NTM: variants seen among roughly 807,000 people sequenced by gnomAD.
NTM encodes IgLON family member 2.
Under a neutral mutation model 42.1 loss-of-function variants are expected in NTM, and 13 were observed. The ratio of observed to expected loss-of-function variants is 0.31; its 90% CI spans 0.20 to 0.49. NTM has a LOEUF of 0.49. NTM is among the 20% of genes least tolerant of loss of function. NTM has a pLI of 0.99. For synonymous variants in NTM, 187 were observed against 179.2 expected (o/e 1.04, Z -0.35); for missense variants, 373 against 452.8 (o/e 0.82, Z 1.60).
intron 3 of NTM, among the ~76,000 whole-genome samples, chr11:132,170,289 A>G (rs2137822814): frequency 6.6e-6 from 1 of 152,318 alleles, no homozygotes; most frequent in Admixed American, 6.5e-5. Context: ...CAGATCATAG[A>G]TCTTCCTCCA....
At chr11:131,441,980 A>G (rs1949659196) in intron 1 of NTM, among the ~76,000 whole-genome samples, 1 of 152,222 alleles carries the variant, frequency 6.6e-6, no homozygotes, top group South Asian at 2.1e-4. Context: ...AGATTGAATC[A>G]TTATTTAGGT....
At chr11:132,051,631 C>T (rs2078868073) in intron 2 of NTM, among the ~76,000 whole-genome samples, 1 of 152,174 alleles carries the variant, frequency 6.6e-6, no homozygotes. Context: ...GGCTGACAAG[C>T]TGCTGGCAGG....
chr11:131,860,078 A>G (rs1444417963), intron 1 of NTM, among the ~76,000 whole-genome samples: 1 of 152,164 alleles, frequency 6.6e-6, no homozygotes, highest in African/African-American at 2.4e-5. Context: ...ATGCGTCTAT[A>G]TCGGGCCTCA....
chr11:131,545,267 C>A (rs1404269416), intron 1 of NTM, among the ~76,000 whole-genome samples: 3 of 151,954 alleles, frequency 2.0e-5, no homozygotes, highest in South Asian at 2.1e-4. Flanking sequence ...ATGCATGATA[C>A]CTTTTCCCTC....
chr11:132,243,131 T>G (rs1472581649), intron 4 of NTM, among the ~76,000 whole-genome samples: 3 of 152,184 alleles, frequency 2.0e-5, no homozygotes, highest in Non-Finnish European at 4.4e-5. Flanking sequence ...ATCACTTCCC[T>G]TCTCAATGTT....
At chr11:132,272,878 ATACAACATAGAG>A (rs1468594603) in intron 4 of NTM, among the ~76,000 whole-genome samples, 16 of 152,244 alleles carry the variant, frequency 1.1e-4, no homozygotes, top group Non-Finnish European at 1.5e-5. Flanking sequence ...GTAGTCCTGG[ATACAACATAGAG>A]TACAATGTTG....
At chr11:132,134,833 G>T (rs1422453778) in intron 2 of NTM, among the ~76,000 whole-genome samples, 3 of 147,488 alleles carry the variant, frequency 2.0e-5, no homozygotes, top group Non-Finnish European at 4.5e-5. Context: ...ATTACAGATT[G>T]TGCTGCTATA....
chr11:132,238,833 A>C lies in NTM; in HGVS notation c.526+26686A>C, dbSNP rs189456197. ...ATTCAGCAGGTCTGGGGTAGGGCTGAAAAGTCTTCATCTCTAAGTGGCTCC... is the reference window on the plus strand; with the variant it reads ...ATTCAGCAGGTCTGGGGTAGGGCTGCAAAGTCTTCATCTCTAAGTGGCTCC... On this transcript the variant is annotated intron_variant, in intron 4 of 8. Coordinates refer to ENST00000683400, the MANE Select transcript of NTM (RefSeq NM_001352005.2). Among the ~76,000 whole-genome samples, 19 of 152,324 alleles carry C rather than the reference A, an allele frequency of 1.2e-4. No homozygotes were observed. The East Asian group carries it at 3.7e-3, about 29-fold the overall frequency.
intron 1 of NTM, among the ~76,000 whole-genome samples, chr11:131,519,204 T>TCCTTTCCACTGCCCTCTTCTC (rs2136538794): frequency 6.6e-6 from 1 of 152,316 alleles, no homozygotes; most frequent in East Asian, 1.9e-4. Flanking sequence ...TCTCTCTTAT[T>TCCTTTCCACTGCCCTCTTCTC]CCCTTCCACT....
At chr11:132,007,080 A>G (rs1260148836) in intron 2 of NTM, among the ~76,000 whole-genome samples, 1 of 152,196 alleles carries the variant, frequency 6.6e-6, no homozygotes, top group African/African-American at 2.4e-5. Flanking sequence ...TTCCTGAGTG[A>G]ATGGATGAAA....
intron 1 of NTM, among the ~76,000 whole-genome samples, chr11:131,545,206 C>T (rs568153509): frequency 2.0e-5 from 3 of 152,204 alleles, no homozygotes; most frequent in East Asian, 1.9e-4. Context: ...TAAAGTGATC[C>T]AAGCAGATAC....
chr11:132,126,219 A>G (rs1334645257), intron 2 of NTM, among the ~76,000 whole-genome samples: 1 of 152,126 alleles, frequency 6.6e-6, no homozygotes, highest in East Asian at 1.9e-4. Flanking sequence ...GTCACACAAG[A>G]ACGCTGTGAA....
intron 1 of NTM, among the ~76,000 whole-genome samples, chr11:131,446,981 G>A (rs1353886854): frequency 6.6e-6 from 1 of 152,186 alleles, no homozygotes; most frequent in Non-Finnish European, 1.5e-5. Flanking sequence ...ATGTCAGAAA[G>A]GAAAGATAGA....
intron 1 of NTM, among the ~76,000 whole-genome samples, chr11:131,604,753 A>G (rs1246938011): frequency 6.7e-6 from 1 of 149,150 alleles, no homozygotes; most frequent in Non-Finnish European, 1.5e-5. Context: ...TAAGAATCCC[A>G]CTTCTTTCCT....
chr11:132,122,097 G>A (rs1277739982), intron 2 of NTM, among the ~76,000 whole-genome samples: 3 of 152,216 alleles, frequency 2.0e-5, no homozygotes, highest in Admixed American at 2.0e-4. Context: ...GCGCTGAATT[G>A]CGTGTTTAGG....
At chr11:132,105,287 T>G (rs2062213015) in intron 2 of NTM, among the ~76,000 whole-genome samples, 1 of 151,634 alleles carries the variant, frequency 6.6e-6, no homozygotes, top group South Asian at 2.1e-4. Flanking sequence ...ATGAATAAAC[T>G]TGGAACATAG....
chr11:132,103,854 C>T (rs779995778), intron 2 of NTM, among the ~76,000 whole-genome samples: 264 of 152,288 alleles, frequency 1.7e-3, no homozygotes, highest in Non-Finnish European at 1.3e-3. Flanking sequence ...GAGCAAGGAG[C>T]CTGACACACA....
At chr11:131,382,157 T>C (rs942392472) in intron 1 of NTM, among the ~76,000 whole-genome samples, 3 of 152,186 alleles carry the variant, frequency 2.0e-5, no homozygotes, top group African/African-American at 7.2e-5. Flanking sequence ...GCCAATGGGA[T>C]ACAAGCATAA....
chr11:131,586,040 T>C (rs1436897184), intron 1 of NTM, among the ~76,000 whole-genome samples: 1 of 152,230 alleles, frequency 6.6e-6, no homozygotes, highest in African/African-American at 2.4e-5. Flanking sequence ...TCAGTGAAAT[T>C]ACACACTGTC....
Sources: gnomAD v4.1 joint callset for allele counts (sites outside exome capture counted in the v4.1 genomes callset) on GRCh38, gnomAD v4.1.1 for gene constraint, MANE v1.5 for transcripts, NCBI Gene and HGNC (gene_info 2026-07-23, HGNC 2026-07-21) for gene names.